The following PRIM2 variants were observed in gnomAD, a reference collection of about 807,000 sequenced individuals.
The protein encoded by PRIM2 is DNA primase subunit 2.
PRIM2 carries 39 observed loss-of-function variants against 67.3 expected under a neutral mutation model. The ratio of observed to expected loss-of-function variants is 0.58; its 90% CI spans 0.45 to 0.76. The LOEUF is 0.76. Among genes scored for constraint, PRIM2 ranks in the 30% least tolerant of loss-of-function variants. The pLI is 0.00. For missense variants in PRIM2, 398 were observed against 598.7 expected (o/e 0.66, Z 3.50); for synonymous variants, 143 against 198.7 (o/e 0.72, Z 2.36).
intron 7 of PRIM2, among the ~76,000 whole-genome samples, chr6:57,400,712 TTC>T (rs1770678449): frequency 6.6e-6 from 1 of 152,234 alleles, no homozygotes; most frequent in Non-Finnish European, 1.5e-5. Flanking sequence ...TGTTTGCTTT[TTC>T]CCCTTCGCTT....
intron 12 of PRIM2, among the ~76,000 whole-genome samples, chr6:57,631,351 T>G (rs1286133604): frequency 6.6e-6 from 1 of 152,190 alleles, no homozygotes; most frequent in Non-Finnish European, 1.5e-5. Flanking sequence ...AATTATGTGT[T>G]TTATTTATTT....
chr6:57,543,360 T>C (rs1775217463), intron 10 of PRIM2, among the ~76,000 whole-genome samples: 1 of 152,212 alleles, frequency 6.6e-6, no homozygotes, highest in African/African-American at 2.4e-5. Context: ...GGACAGCTTA[T>C]GTCCTAACAG....
the PRIM2 span, among the ~76,000 whole-genome samples, chr6:57,289,299 G>T: frequency 6.6e-6 from 1 of 152,134 alleles, no homozygotes; most frequent in Admixed American, 6.5e-5. Context: ...GAAATATGGG[G>T]CTATGTGAAA....
intron 7 of PRIM2, among the ~76,000 whole-genome samples, chr6:57,418,417 T>A (rs868714949): frequency 0.025 from 3,152 of 127,100 alleles, 184 homozygotes; most frequent in African/African-American, 0.092. Context: ...TTTTTTTTTT[T>A]AACAGATTCT....
the PRIM2 span, among the ~76,000 whole-genome samples, chr6:57,234,627 G>A: frequency 6.0e-5 from 7 of 116,138 alleles, no homozygotes; most frequent in East Asian, 8.5e-4. Flanking sequence ...AGGTTCAAGC[G>A]ATTCTCTTGC....
chr6:57,251,446 A>G, the PRIM2 span, among the ~76,000 whole-genome samples: 1 of 152,190 alleles, frequency 6.6e-6, no homozygotes, highest in Non-Finnish European at 1.5e-5. Context: ...TTGGTGGCTC[A>G]TGTCTCTTCC....
chr6:57,390,710 A>G (rs577521997), intron 7 of PRIM2, among the ~76,000 whole-genome samples: 2 of 152,196 alleles, frequency 1.3e-5, no homozygotes, highest in African/African-American at 2.4e-5. Context: ...CACAAAAGAC[A>G]TGATCTCATT....
chr6:57,464,594 G>A (rs1773124899), intron 7 of PRIM2, among the ~76,000 whole-genome samples: 1 of 152,058 alleles, frequency 6.6e-6, no homozygotes, highest in Non-Finnish European at 1.5e-5. Context: ...TATTTCTGGT[G>A]CCTAACTCAG....
intron 7 of PRIM2, among the ~76,000 whole-genome samples, chr6:57,416,980 T>C (rs1440887916): frequency 6.6e-6 from 1 of 151,544 alleles, no homozygotes; most frequent in Non-Finnish European, 1.5e-5. Context: ...TTCTTTTTTT[T>C]TTTTGAGACA....
At chr6:57,415,314 T>C (rs1362304391) in intron 7 of PRIM2, among the ~76,000 whole-genome samples, 1 of 152,220 alleles carries the variant, frequency 6.6e-6, no homozygotes, top group African/African-American at 2.4e-5. Context: ...CAGGTTCTGT[T>C]CGAGACTAAT....
At chr6:57,593,322 A>G (rs1776313961) in intron 10 of PRIM2, among the ~76,000 whole-genome samples, 1 of 148,716 alleles carries the variant, frequency 6.7e-6, no homozygotes, top group Admixed American at 6.7e-5. Flanking sequence ...TTTTTTTGAG[A>G]TGGGAGTTTC....
At chr6:57,645,196 C>T (rs1295096059) in intron 13 of PRIM2, among the ~76,000 whole-genome samples, 8 of 151,864 alleles carry the variant, frequency 5.3e-5, no homozygotes, top group Non-Finnish European at 7.4e-5. Flanking sequence ...AATGATTTTA[C>T]GATCACTTAA....
At chr6:57,443,100 A>G (rs528361396) in intron 7 of PRIM2, among the ~76,000 whole-genome samples, 1 of 152,300 alleles carries the variant, frequency 6.6e-6, no homozygotes, top group African/African-American at 2.4e-5. Context: ...GTAAGGCTGA[A>G]TAGTACTCTA....
chr6:57,248,625 C>T, the PRIM2 span, among the ~76,000 whole-genome samples: 1 of 152,110 alleles, frequency 6.6e-6, no homozygotes, highest in African/African-American at 2.4e-5. Flanking sequence ...AGTAGTGGCC[C>T]ACTACCAGTC....
the PRIM2 span, among the ~76,000 whole-genome samples, chr6:57,266,521 C>A: frequency 6.6e-6 from 1 of 152,114 alleles, no homozygotes; most frequent in Non-Finnish European, 1.5e-5. Context: ...TTGTTTAAGA[C>A]CAAGTTCAAG....
chr6:57,338,900 A>G lies in PRIM2; in HGVS notation c.459+12855A>G, dbSNP rs562266562. 5.3e-5 allele frequency among the ~76,000 whole-genome samples: 8 copies of G among 152,158 alleles called. No individual in the cohort carries two copies. The South Asian group carries it at 1.5e-3, about 28-fold the overall frequency. On this transcript the variant is annotated intron_variant, in intron 5 of 13. Coordinates refer to ENST00000615550, the MANE Select transcript of PRIM2 (RefSeq NM_000947.5). Reference sequence around the variant, plus strand: ...AAATAAAGGGTATTCAATTAGGAAAAGAGGAAGTCAAATCGTCCCTGTTTG... The same window carrying G: ...AAATAAAGGGTATTCAATTAGGAAAGGAGGAAGTCAAATCGTCCCTGTTTG...
chr6:57,644,470 G>T (rs2127502897), intron 13 of PRIM2, among the ~76,000 whole-genome samples: 1 of 152,254 alleles, frequency 6.6e-6, no homozygotes, highest in South Asian at 2.1e-4. Context: ...CTTGGTAGAG[G>T]TTTTTAAGTA....
chr6:57,365,820 A>C (rs1166899636), intron 5 of PRIM2, among the ~76,000 whole-genome samples: 2 of 152,090 alleles, frequency 1.3e-5, no homozygotes, highest in African/African-American at 2.4e-5. Context: ...TCAGCTGGGC[A>C]TGGTGGCGCG....
chr6:57,353,451 G>A (rs113841428), intron 5 of PRIM2, among the ~76,000 whole-genome samples: 1 of 152,180 alleles, frequency 6.6e-6, no homozygotes, highest in African/African-American at 2.4e-5. Flanking sequence ...TTAGTTTGCT[G>A]TATACCACTT....
Sources: gnomAD v4.1 joint callset for allele counts (sites outside exome capture counted in the v4.1 genomes callset) on GRCh38, gnomAD v4.1.1 for gene constraint, MANE v1.5 for transcripts, NCBI Gene and HGNC (gene_info 2026-07-23, HGNC 2026-07-21) for gene names.